VWF: variants seen among roughly 807,000 people sequenced by gnomAD.
VWF encodes the protein Factor VIII related antigen.
VWF carries 176 observed loss-of-function variants against 308.6 expected under a neutral mutation model. That is an observed-to-expected ratio of 0.57 (90% CI 0.50 to 0.65). The LOEUF is 0.65. Ranked by LOEUF, VWF falls within the 30% of genes least tolerant of loss-of-function variation. The pLI is 0.00. For missense variants in VWF, 3,146 were observed against 3,648.2 expected (o/e 0.86, Z 3.55); for synonymous variants, 1,385 against 1,443.4 (o/e 0.96, Z 0.92).
intron 42 of VWF, among the ~76,000 whole-genome samples, chr12:5,980,675 T>TC (rs1943594636): frequency 6.6e-6 from 1 of 152,206 alleles, no homozygotes; most frequent in Non-Finnish European, 1.5e-5. Flanking sequence ...TTCCCGCTTC[T>TC]CCAAAACTGC....
intron 43 of VWF, among the ~76,000 whole-genome samples, chr12:5,975,302 G>C (rs949734268): frequency 2.6e-5 from 4 of 152,184 alleles, no homozygotes; most frequent in Non-Finnish European, 4.4e-5. Context: ...GGATGTGCTC[G>C]CCTGCCCTGG....
intron 31 of VWF, 116 bp downstream of exon 31, chr12:6,015,973 T>C: frequency 7.5e-7 from 1 of 1,328,122 alleles, no homozygotes. Context: ...GAGGTTGGTA[T>C]TGAGCATATT....
intron 6 of VWF, among the ~76,000 whole-genome samples, chr12:6,081,131 TCTC>T (rs1216574936): frequency 1.3e-5 from 2 of 152,088 alleles, no homozygotes; most frequent in Non-Finnish European, 2.9e-5. Context: ...CTCACCTCCT[TCTC>T]CACAGCTGAC....
In VWF at chr12:5,953,539, GC is replaced by G. The variant is rs1429129116; in HGVS notation, c.7942del (p.Ala2648LeufsTer6). On this transcript the variant is annotated frameshift_variant, in exon 48 of 52. Transcript: ENST00000261405. LOFTEE classifies it high-confidence loss of function. The part of the protein sequence containing the change: ...GECCGRCLPT[A>X]CTIQLRGGQI... ...TCCTCCTCTTAGCTGAATGGTGCAAGCCGTAGGCAAACATCTCCCACAACAT... is the reference window on the plus strand; with the variant it reads ...TCCTCCTCTTAGCTGAATGGTGCAAGCGTAGGCAAACATCTCCCACAACAT... 6.2e-7 allele frequency: 1 copy of G among 1,614,156 alleles called. No homozygotes were observed. The highest frequency in any genetic ancestry group is 8.5e-7 in the Non-Finnish European group (1 of 1,180,022).
rs771464323 is a variant in VWF, at chr12:6,019,406, A to C, written c.4012T>G (p.Ser1338Ala). The change falls in exon 28 of 52, where the codon TCA becomes GCA. Residue 1338 changes from serine to alanine, a missense_variant. This residue lies in a region of VWF where 853 missense variants were observed against 1,177.8 expected (regional missense o/e 0.72). Transcript: ENST00000261405. This position sits in a 1 kb window ranked among gnomAD's most constrained non-coding sequence, Gnocchi z 5.8. Reference protein sequence around the residue: ...YIGLKDRKRPSELRRIASQVK... With the variant: ...YIGLKDRKRPAELRRIASQVK... ...TGGCTGGCAATGCGCCGCAGCTCTGACGGTCGCTTCCGGTCCTTGAGCCCG... is the reference window on the plus strand; with the variant it reads ...TGGCTGGCAATGCGCCGCAGCTCTGCCGGTCGCTTCCGGTCCTTGAGCCCG... The C allele has an allele frequency of 1.3e-5, 21 of 1,613,722 alleles. No individual in the cohort carries two copies. In the African/African-American group the frequency reaches 2.8e-4, roughly 22 times the overall value.
intron 6 of VWF, among the ~76,000 whole-genome samples, chr12:6,083,591 A>C (rs373018670): frequency 3.3e-5 from 5 of 152,300 alleles, no homozygotes; most frequent in African/African-American, 1.2e-4. Context: ...AAGGAAAATT[A>C]TCTTGCCTCT....
At chr12:6,043,489 T>C (rs74058506) in intron 18 of VWF, among the ~76,000 whole-genome samples, 6,021 of 152,282 alleles carry the variant, frequency 0.04, 150 homozygotes, top group Middle Eastern at 0.068. Context: ...GAATTGGAGT[T>C]GGGGAAAACA....
At position 5,994,446 on chromosome 12, in the gene VWF, C is replaced by T; in HGVS notation, c.6225G>A (p.Lys2075=). 6.2e-7 allele frequency: 1 copy of T among 1,614,124 alleles called. No individual in the cohort carries two copies. ...GACCATACGTCTTTGAAGCAAAAGT[C>T]TTGGGGCTGAGCTGCAGTTGGAACT... ...NNEFQLQLSP[K]TFASKTYGLC... The change falls in exon 36 of 52, where the codon AAG becomes AAA. Residue 2075 remains lysine, a synonymous_variant. Coordinates refer to ENST00000261405, the MANE Select transcript of VWF (RefSeq NM_000552.5).
At chr12:6,032,253 G>A (rs66523217) in intron 20 of VWF, among the ~76,000 whole-genome samples, 37,822 of 151,480 alleles carry the variant, frequency 0.25, 5,043 homozygotes, top group African/African-American at 0.31. Flanking sequence ...GCTTGAACCC[G>A]GGAGGCGGAG....
In VWF at chr12:6,044,438, T is replaced by C. The variant is rs150043098; in HGVS notation, c.2295A>G (p.Leu765=). 1.9e-5 allele frequency: 30 copies of C among 1,614,154 alleles called. No homozygotes were observed. In the African/African-American group the frequency reaches 3.6e-4, roughly 19 times the overall value. Residue 765 remains leucine, a synonymous_variant, in exon 18 of 52, where the codon CTA becomes CTG. Coordinates refer to ENST00000261405, the MANE Select transcript of VWF (RefSeq NM_000552.5). ...SPLSHRSKRS[L]SCRPPMVKLV... ...GCTTGACCATGGGGGGCCGACAGGA[T>C]AGGCTCCTTTTGCCTCGAAGGTAGG... is the stretch of plus-strand genomic sequence containing the variant.
At chr12:6,003,713 A>C (rs1943896992) in intron 34 of VWF, among the ~76,000 whole-genome samples, 1 of 151,994 alleles carries the variant, frequency 6.6e-6, no homozygotes, top group Non-Finnish European at 1.5e-5. Flanking sequence ...ATGGGGTATC[A>C]TTGTCTAATG....
chr12:6,055,635 A>G (rs1161845387), intron 15 of VWF, among the ~76,000 whole-genome samples: 1 of 152,070 alleles, frequency 6.6e-6, no homozygotes, highest in Non-Finnish European at 1.5e-5. Flanking sequence ...CATTGGACCC[A>G]AAATAGTAGC....
intron 9 of VWF, 79 bp from the exon 10 acceptor site, chr12:6,071,422 G>T: frequency 6.7e-7 from 1 of 1,493,018 alleles, no homozygotes; most frequent in Non-Finnish European, 9.3e-7. Context: ...GCTCATGGTA[G>T]TTATCACAGT....
chr12:6,052,740 G>A lies in VWF; in HGVS notation c.1989C>T (p.Thr663=). The A allele has an allele frequency of 6.2e-7, 1 of 1,614,152 alleles. No homozygotes were observed. Residue 663 remains threonine (T), a synonymous_variant, in exon 16 of 52, where the codon ACC becomes ACT. Transcript: ENST00000261405. ...PKGQVYLQCG[T]PCNLTCRSLS... ...GAGAGCGGCAGGTCAGGTTGCAGGGGGTCCCGCACTGCAGGTACACCTGGC... is the reference window on the plus strand; with the variant it reads ...GAGAGCGGCAGGTCAGGTTGCAGGGAGTCCCGCACTGCAGGTACACCTGGC...
chr12:5,973,811 AGGAGCCTAC>A (rs893167767), intron 43 of VWF, among the ~76,000 whole-genome samples: 2 of 152,176 alleles, frequency 1.3e-5, no homozygotes, highest in African/African-American at 4.8e-5. Flanking sequence ...AGCCTCATTC[AGGAGCCTAC>A]GGGTGAGGAG....
intron 47 of VWF, among the ~76,000 whole-genome samples, chr12:5,964,300 A>ATACATACATGCATACATACATAC (rs1267334614): frequency 2.6e-5 from 4 of 151,968 alleles, no homozygotes; most frequent in Non-Finnish European, 4.4e-5. Flanking sequence ...ACATACATAC[A>ATACATACATGCATACATACATAC]AAAAGCTACC....
intron 3 of VWF, among the ~76,000 whole-genome samples, chr12:6,114,769 GC>G (rs1394278120): frequency 6.6e-6 from 1 of 152,200 alleles, no homozygotes; most frequent in East Asian, 1.9e-4. Flanking sequence ...GCTCCAGGCA[GC>G]CAGGGGACGT....
At chr12:6,041,120 G>GA (rs1944391654) in intron 18 of VWF, among the ~76,000 whole-genome samples, 1 of 152,010 alleles carries the variant, frequency 6.6e-6, no homozygotes, top group Non-Finnish European at 1.5e-5. Flanking sequence ...TAGGGATCAT[G>GA]AAAAAAAGGA....
intron 18 of VWF, among the ~76,000 whole-genome samples, chr12:6,040,686 C>A (rs1417179172): frequency 1.3e-5 from 2 of 152,200 alleles, no homozygotes; most frequent in East Asian, 3.8e-4. Context: ...CTTCATTTAT[C>A]ACGGTGCGGA....
Sources: gnomAD v4.1 joint callset for allele counts (sites outside exome capture counted in the v4.1 genomes callset) on GRCh38, gnomAD v4.1.1 for gene constraint, gnomAD v4.1.1 regional missense constraint, Gnocchi (gnomAD v3.1) non-coding constraint, MANE v1.5 for transcripts, NCBI Gene and HGNC (gene_info 2026-07-23, HGNC 2026-07-21) for gene names.